The following PTPRM variants were observed in gnomAD, a reference collection of about 807,000 sequenced individuals.
PTPRM encodes receptor-type tyrosine-protein phosphatase mu.
A neutral mutation model predicts 186.7 loss-of-function variants in PTPRM; 47 were observed. The observed-to-expected ratio is 0.25, with a 90% CI of 0.20 to 0.32. The LOEUF (loss-of-function observed/expected upper bound fraction) is 0.32. Among genes scored for constraint, PTPRM ranks in the 10% least tolerant of loss-of-function variants. The pLI, the probability that PTPRM is intolerant of heterozygous loss-of-function variation, is 1.00. For synonymous variants in PTPRM, 668 were observed against 674.9 expected, an observed-to-expected ratio of 0.99 and a Z score of 0.16; for missense variants, 1,494 against 1,865.0, an observed-to-expected ratio of 0.80 and a Z score of 3.66.
At chr18:7,788,603 T>C (rs997165688) in intron 2 of PTPRM, among the ~76,000 whole-genome samples, 5 of 152,194 alleles carry the variant, frequency 3.3e-5, no homozygotes, top group Non-Finnish European at 7.3e-5. Flanking sequence ...AAGTGTGTAG[T>C]GACAAAATGA....
At chr18:8,173,989 C>T (rs1031765514) in intron 14 of PTPRM, among the ~76,000 whole-genome samples, 9 of 151,654 alleles carry the variant, frequency 5.9e-5, no homozygotes, top group African/African-American at 1.9e-4. Context: ...ATCTCTTGAC[C>T]TGGGAAGCAG....
chr18:7,606,294 A>G (rs751334121), intron 1 of PTPRM, among the ~76,000 whole-genome samples: 2 of 152,080 alleles, frequency 1.3e-5, no homozygotes, highest in Non-Finnish European at 2.9e-5. Context: ...AAGAAGAGGC[A>G]TCTTACTGTG....
At chr18:8,260,830 G>T (rs1477250749) in intron 19 of PTPRM, among the ~76,000 whole-genome samples, 3 of 152,228 alleles carry the variant, frequency 2.0e-5, no homozygotes, top group African/African-American at 7.2e-5. Flanking sequence ...CCCAGCAGCA[G>T]GGCGCGGGAG....
At chr18:8,065,568 A>G (rs2089000852) in intron 7 of PTPRM, among the ~76,000 whole-genome samples, 1 of 152,142 alleles carries the variant, frequency 6.6e-6, no homozygotes, top group African/African-American at 2.4e-5. Context: ...ATTCATGCCA[A>G]CGGGGCCTGT....
rs189314828 is a variant in PTPRM, at chr18:8,050,685, T to G, written c.1133-19001T>G. Among the ~76,000 whole-genome samples, 228 of 152,308 alleles carry G rather than the reference T, an allele frequency of 1.5e-3. 1 individual carries two copies. Among genetic ancestry groups the G allele is most frequent in the African/African-American group, 5.0e-3 (209 of 41,568 alleles). ...GTATCTTTTTATCATGAAACTTACA[T>G]AAACATAAACCTCGTAGATTTGTGT... On this transcript the variant is annotated intron_variant, in intron 7 of 32. Coordinates refer to ENST00000580170, the MANE Select transcript of PTPRM (RefSeq NM_001105244.2).
rs150577417 is a variant in PTPRM, at chr18:7,653,118, TTTATTATTATTA to T, written c.73+85250_73+85261del. Among the ~76,000 whole-genome samples, 154 of 145,504 alleles carry T rather than the reference TTTATTATTATTA, an allele frequency of 1.1e-3. 1 individual carries two copies. Among genetic ancestry groups the T allele is most frequent in the Non-Finnish European group, 1.5e-3 (97 of 66,800 alleles). On this transcript the variant is annotated intron_variant, in intron 1 of 32. Coordinates refer to ENST00000580170, the MANE Select transcript of PTPRM (RefSeq NM_001105244.2). ...TTAAAACAGAGATACCACTATGTAC[TTTATTATTATTA>T]TTATTATTATTATTATTATTATCAT...
Position 7,582,218 on chromosome 18 carries a change from A to G in PTPRM, c.73+14327A>G, listed in dbSNP as rs552419716. ...CACCATTTACTATTCTTCATGTTCT[A>G]TGGGTGCCTCTGCTGACCTAAGTTG... On this transcript the variant is annotated intron_variant, in intron 1 of 32. Transcript: ENST00000580170. Among the ~76,000 whole-genome samples the G allele has an allele frequency of 3.5e-4, 54 of 152,268 alleles. No homozygotes were observed. In the East Asian group the frequency reaches 5.6e-3, roughly 16 times the overall value.
chr18:8,368,053 ATATT>A (rs1472523197), intron 23 of PTPRM, among the ~76,000 whole-genome samples: 2 of 152,076 alleles, frequency 1.3e-5, no homozygotes, highest in Non-Finnish European at 2.9e-5. Context: ...TTTAAAGTGT[ATATT>A]TATTCATCAA....
chr18:8,045,906 A>G (rs2087015550), intron 7 of PTPRM, among the ~76,000 whole-genome samples: 1 of 152,212 alleles, frequency 6.6e-6, no homozygotes, highest in Non-Finnish European at 1.5e-5. Flanking sequence ...TCCACAAATC[A>G]AGTCTTTTTT....
intron 7 of PTPRM, among the ~76,000 whole-genome samples, chr18:8,019,427 A>G (rs1384850436): frequency 6.6e-6 from 1 of 152,184 alleles, no homozygotes; most frequent in Non-Finnish European, 1.5e-5. Context: ...CTTCTACACA[A>G]TTGACAAAAT....
At chr18:7,981,927 G>A (rs370510646) in intron 7 of PTPRM, among the ~76,000 whole-genome samples, 2 of 152,162 alleles carry the variant, frequency 1.3e-5, no homozygotes, top group Non-Finnish European at 2.9e-5. Flanking sequence ...TGGCACACCT[G>A]TACAGGACAT....
chr18:8,181,756 A>C (rs2093578122), intron 14 of PTPRM, among the ~76,000 whole-genome samples: 1 of 152,206 alleles, frequency 6.6e-6, no homozygotes, highest in South Asian at 2.1e-4. Context: ...GGCTTTCCCC[A>C]GCTTAACAGT....
chr18:7,684,076 G>A (rs1481315038), intron 1 of PTPRM, among the ~76,000 whole-genome samples: 4 of 152,152 alleles, frequency 2.6e-5, no homozygotes, highest in Middle Eastern at 6.8e-3. Context: ...CTAAGAAAGC[G>A]CTCCACTGAG....
At chr18:8,113,973 A>G (rs1412882090) in intron 12 of PTPRM, among the ~76,000 whole-genome samples, 1 of 148,018 alleles carries the variant, frequency 6.8e-6, no homozygotes, top group Non-Finnish European at 1.5e-5. Context: ...GGGGGAGTTT[A>G]TCATCAACAT....
chr18:7,997,304 A>G (rs1388271312), intron 7 of PTPRM, among the ~76,000 whole-genome samples: 4 of 152,180 alleles, frequency 2.6e-5, no homozygotes, highest in Non-Finnish European at 5.9e-5. Flanking sequence ...AGTCTCTTCA[A>G]AAAATAGTGT....
At chr18:7,694,676 C>G (rs913138932) in intron 1 of PTPRM, among the ~76,000 whole-genome samples, 1 of 152,076 alleles carries the variant, frequency 6.6e-6, no homozygotes, top group Non-Finnish European at 1.5e-5. Flanking sequence ...ATCCACACAC[C>G]TCGGCCTCCC....
chr18:7,736,044 C>T (rs1336258708), intron 1 of PTPRM, among the ~76,000 whole-genome samples: 1 of 152,090 alleles, frequency 6.6e-6, no homozygotes, highest in Non-Finnish European at 1.5e-5. Context: ...CTAACTACCT[C>T]AGGCATATGT....
At chr18:7,779,916 T>C (rs751503703) in intron 2 of PTPRM, among the ~76,000 whole-genome samples, 3 of 152,232 alleles carry the variant, frequency 2.0e-5, no homozygotes, top group Non-Finnish European at 2.9e-5. Context: ...ATTCTTCGTC[T>C]GATAAGATCG....
intron 5 of PTPRM, among the ~76,000 whole-genome samples, chr18:7,940,079 G>A (rs1281395020): frequency 6.6e-6 from 1 of 152,094 alleles, no homozygotes; most frequent in Admixed American, 6.6e-5. Context: ...CTGACTTGCA[G>A]CAAAGGAATT....
Sources: gnomAD v4.1 joint callset for allele counts (sites outside exome capture counted in the v4.1 genomes callset) on GRCh38, gnomAD v4.1.1 for gene constraint, MANE v1.5 for transcripts, NCBI Gene and HGNC (gene_info 2026-07-23, HGNC 2026-07-21) for gene names.